The following HSD11B2 variants were observed in gnomAD, a reference collection of about 807,000 sequenced individuals.
The protein encoded by HSD11B2 is 11-beta-hydroxysteroid dehydrogenase type 2.
Under a neutral mutation model 20.9 loss-of-function variants are expected in HSD11B2, and 17 were observed. The ratio of observed to expected loss-of-function variants is 0.81; its 90% confidence interval spans 0.56 to 1.22. HSD11B2 has a LOEUF of 1.22. Among genes scored for constraint, HSD11B2 ranks in the 50% most tolerant of loss-of-function variants. HSD11B2 has a pLI of 0.00. For synonymous variants in HSD11B2, 253 were observed against 255.4 expected (o/e 0.99, Z 0.09); for missense variants, 480 against 563.6 (o/e 0.85, Z 1.50).
At chr16:67,431,689 C>G (rs2040934730) in intron 1 of HSD11B2, among the ~76,000 whole-genome samples, 176 bp downstream of exon 1, 1 of 152,222 alleles carries the variant, frequency 6.6e-6, no homozygotes, top group Admixed American at 6.5e-5. Flanking sequence ...GGCACCTCCC[C>G]AAGCCCGGGT....
At chr16:67,431,621 A>C (rs1467849987) in intron 1 of HSD11B2, 108 bp downstream of exon 1, 14 of 1,116,716 alleles carry the variant, frequency 1.3e-5, no homozygotes, top group Non-Finnish European at 1.6e-5. Flanking sequence ...TCCTCAGCGC[A>C]AGAGTGGGAG....
chr16:67,430,729 A>C (rs1321935791), upstream of HSD11B2: 1 of 152,650 alleles, frequency 6.6e-6, no homozygotes, highest in African/African-American at 2.4e-5. This position sits in a 1 kb window ranked among gnomAD's most constrained non-coding sequence, Gnocchi z 5.4. Context: ...TGCGATCAGC[A>C]AAGGGCACCG....
Position 67,435,247 on chromosome 16 carries a change from C to T in HSD11B2, c.266-381C>T, listed in dbSNP as rs543143531. Among the ~76,000 whole-genome samples the T allele has an allele frequency of 3.3e-5, 5 of 150,726 alleles. No individual in the cohort carries two copies. In the East Asian group the frequency reaches 5.9e-4, roughly 18 times the overall value. The stretch of plus-strand genomic sequence containing the variant: ...AGAGAAAGGGAGGCTCCTACTAATA[C>T]TGTGCCTGTGCCTGTGAGCTGTGGC... On this transcript the variant is annotated intron_variant, in intron 1 of 4. Coordinates refer to ENST00000326152, the MANE Select transcript of HSD11B2 (RefSeq NM_000196.4).
chr16:67,431,377 G>T lies in HSD11B2; in HGVS notation c.129G>T (p.Ala43=). 1 of 1,257,396 alleles carries T rather than the reference G, an allele frequency of 8.0e-7. No homozygotes were observed. Among genetic ancestry groups the T allele is most frequent in the South Asian group, 2.2e-5 (1 of 45,014 alleles). 77.9% of individuals were successfully genotyped at this position (1,257,396 alleles called of 1,614,324 possible). A position where few individuals can be genotyped will look rare whatever the true frequency, so the allele number is the denominator to read the frequency against. ...TGGCGGCGCTGGCGCTGCTGGCCGCGCTCGACTGGCTGTGCCAGCGCCTGC... is the reference window on the plus strand; with the variant it reads ...TGGCGGCGCTGGCGCTGCTGGCCGCTCTCGACTGGCTGTGCCAGCGCCTGC... ...PLLAALALLA[A]LDWLCQRLLP... Residue 43 remains alanine, a synonymous_variant, in exon 1 of 5, where the codon GCG becomes GCT. Coordinates refer to ENST00000326152, the MANE Select transcript of HSD11B2 (RefSeq NM_000196.4).
chr16:67,435,505 T>C lies in HSD11B2; in HGVS notation c.266-123T>C, dbSNP rs889472024. 3 of 760,936 alleles carry C rather than the reference T, an allele frequency of 3.9e-6. No individual in the cohort carries two copies. In the African/African-American group the frequency reaches 5.2e-5, roughly 13 times the overall value. 47.1% of individuals were successfully genotyped at this position (760,936 alleles called of 1,614,324 possible). A position where few individuals can be genotyped will look rare whatever the true frequency, so the allele number is the denominator to read the frequency against. ...ATGGGCCTAGGGAAGGAGTTAGGGT[T>C]GTTGACTGCTGGTGGCTTGGTTTGC... On this transcript the variant is annotated intron_variant, in intron 1 of 4. Coordinates refer to ENST00000326152, the MANE Select transcript of HSD11B2 (RefSeq NM_000196.4).
chr16:67,433,723 CACACATAT>C (rs996774837), intron 1 of HSD11B2, among the ~76,000 whole-genome samples: 1 of 133,974 alleles, frequency 7.5e-6, no homozygotes, highest in African/African-American at 3.8e-5. Flanking sequence ...CACACACACA[CACACATAT>C]GCTTGCCTCC....
Position 67,436,160 on chromosome 16 carries a change from C to A in HSD11B2, c.664+18C>A, listed in dbSNP as rs778839934. 6.8e-6 allele frequency: 11 copies of A among 1,613,578 alleles called. No individual in the cohort carries two copies. The highest frequency in any genetic ancestry group is 9.3e-6 in the Non-Finnish European group (11 of 1,179,846). On this transcript the variant is annotated intron_variant, in intron 3 of 4. Transcript: ENST00000326152. The surrounding 1 kb of genome is among the most constrained non-coding windows in gnomAD (Gnocchi z 5.7). ...CCCAGCGGGTGAGTGCCCCCCCCCACTGGAGCAAAAAGGAGCCCCCTGGGG... is the reference window on the plus strand; with the variant it reads ...CCCAGCGGGTGAGTGCCCCCCCCCAATGGAGCAAAAAGGAGCCCCCTGGGG...
chr16:67,434,823 T>TA (rs1232363343), intron 1 of HSD11B2, among the ~76,000 whole-genome samples: 1 of 152,194 alleles, frequency 6.6e-6, no homozygotes, highest in Non-Finnish European at 1.5e-5. Context: ...GGTCAAGAGT[T>TA]AGAGACCAGC....
In HSD11B2 at chr16:67,435,686, G is replaced by A. The variant is rs768955425; in HGVS notation, c.324G>A (p.Thr108=). Residue 108 remains threonine (T), a synonymous_variant, in exon 2 of 5, where the codon ACG becomes ACA. Transcript: ENST00000326152. Reference sequence around the variant, plus strand: ...AGAAACTGGACTCCATGGGCTTCACGGTGCTGGCCACCGTATTGGAGTTGA... The same window carrying A: ...AGAAACTGGACTCCATGGGCTTCACAGTGCTGGCCACCGTATTGGAGTTGA... ...TAKKLDSMGF[T]VLATVLELNS... The A allele has an allele frequency of 8.1e-6, 13 of 1,613,762 alleles. No homozygotes were observed. The highest frequency in any genetic ancestry group is 2.7e-5 in the African/African-American group (2 of 74,888).
rs949929490 is a variant in HSD11B2, at chr16:67,436,673, C to T, written c.888C>T (p.Gly296=). ...CTCAAGAGCTGCTGCAGGCCTACGG[C>T]AAGGACTACATCGAGCACTTGCATG... ...NLPQELLQAY[G]KDYIEHLHGQ... The change falls in exon 5 of 5, where the codon GGC becomes GGT. Residue 296 remains glycine, a synonymous_variant. Coordinates refer to ENST00000326152, the MANE Select transcript of HSD11B2 (RefSeq NM_000196.4). The surrounding 1 kb of genome is among the most constrained non-coding windows in gnomAD (Gnocchi z 5.7). The T allele has an allele frequency of 6.2e-7, 1 of 1,614,192 alleles. No homozygotes were observed. Among genetic ancestry groups the T allele is most frequent in the Admixed American group, 1.7e-5 (1 of 60,034 alleles).
chr16:67,432,347 C>T (rs2142285641), intron 1 of HSD11B2, among the ~76,000 whole-genome samples: 1 of 152,180 alleles, frequency 6.6e-6, no homozygotes, highest in Non-Finnish European at 1.5e-5. Flanking sequence ...GGAGGAGCAG[C>T]CTGGTCTCTC....
chr16:67,436,823 C>T lies in HSD11B2; in HGVS notation c.1038C>T (p.Leu346=), dbSNP rs2040979523. 6.2e-7 allele frequency: 1 copy of T among 1,613,684 alleles called. No individual in the cohort carries two copies. Among genetic ancestry groups the T allele is most frequent in the African/African-American group, 1.3e-5 (1 of 74,928 alleles). Residue 346 remains leucine, a synonymous_variant, in exon 5 of 5, where the codon CTC becomes CTT. Coordinates refer to ENST00000326152, the MANE Select transcript of HSD11B2 (RefSeq NM_000196.4). The surrounding 1 kb of genome is among the most constrained non-coding windows in gnomAD (Gnocchi z 5.7). ...ATTACCCCGGCCAGGGCCTGGGGCT[C>T]ATGTACTTCATCCACTACTACCTGC... The part of the protein sequence containing the change: ...RRYYPGQGLG[L]MYFIHYYLPE...
In HSD11B2 at chr16:67,435,424, C is replaced by T. The variant is rs139252662; in HGVS notation, c.266-204C>T. ...TAGCCACGGGGAGTCAGGCAGATGACAGCTGTCACAGAGTTACTGCCCAGG... is the reference window on the plus strand; with the variant it reads ...TAGCCACGGGGAGTCAGGCAGATGATAGCTGTCACAGAGTTACTGCCCAGG... On this transcript the variant is annotated intron_variant, in intron 1 of 4. Coordinates refer to ENST00000326152, the MANE Select transcript of HSD11B2 (RefSeq NM_000196.4). The T allele has an allele frequency of 4.8e-4, 320 of 663,572 alleles. 1 individual carries two copies. Among genetic ancestry groups the T allele is most frequent in the Non-Finnish European group, 6.9e-4 (251 of 363,746 alleles). The allele number at this position is 663,572 out of a possible 1,614,324, so 41.1% of individuals were successfully genotyped here. A position where few individuals can be genotyped will look rare whatever the true frequency, so the allele number is the denominator to read the frequency against.
Position 67,437,198 on chromosome 16 carries a change from C to T in HSD11B2, c.*195C>T, listed in dbSNP as rs1024862663. On this transcript the variant is annotated 3_prime_UTR_variant, in exon 5 of 5. Transcript: ENST00000326152. The stretch of plus-strand genomic sequence containing the variant: ...GCCAAGGTTTCCCAGTGAGCCTCTG[C>T]GCCTCTCCACTGTTTCATGAGCCCA... 15 of 620,062 alleles carry T rather than the reference C, an allele frequency of 2.4e-5. No individual in the cohort carries two copies. Among genetic ancestry groups the T allele is most frequent in the African/African-American group, 9.2e-5 (5 of 54,272 alleles). The allele number at this position is 620,062 out of a possible 1,614,324, so 38.4% of individuals were successfully genotyped here.
At chr16:67,434,150 G>A (rs1035377496) in intron 1 of HSD11B2, among the ~76,000 whole-genome samples, 4 of 152,162 alleles carry the variant, frequency 2.6e-5, no homozygotes, top group East Asian at 1.9e-4. Context: ...AACTGACCTC[G>A]GTCACACTTG....
chr16:67,433,848 C>G (rs991705897), intron 1 of HSD11B2, among the ~76,000 whole-genome samples: 9 of 148,872 alleles, frequency 6.0e-5, no homozygotes, highest in Non-Finnish European at 1.2e-4. Flanking sequence ...ATGGGGAGAC[C>G]GTACTGAGCG....
Position 67,437,027 on chromosome 16 carries a change from C to T in HSD11B2, c.*24C>T. ...GAGCCATGTGCACCTATGGCCCAGC[C>T]ACTGCAGCACAGGAGGCTCCGTGAG... On this transcript the variant is annotated 3_prime_UTR_variant, in exon 5 of 5. Transcript: ENST00000326152. 1 of 1,603,172 alleles carries T rather than the reference C, an allele frequency of 6.2e-7. No individual in the cohort carries two copies.
chr16:67,435,409 G>A (rs1484322135), intron 1 of HSD11B2: 4 of 648,474 alleles, frequency 6.2e-6, no homozygotes, highest in Admixed American at 4.4e-5. Flanking sequence ...TAGCCACGGG[G>A]AGTCAGGCAG....
chr16:67,436,255 T>G lies in HSD11B2; in HGVS notation c.671T>G (p.Met224Arg), dbSNP rs1362856305. 1.2e-6 allele frequency: 2 copies of G among 1,614,046 alleles called. No individual in the cohort carries two copies. The part of the protein sequence containing the change: ...IVTVGSPAGD[M>R]PYPCLGAYGT... ...ACTCCCAATCCATCCGCAGGGGACA[T>G]GCCATATCCGTGCTTGGGGGCCTAT... is the stretch of plus-strand genomic sequence containing the variant. The change falls in exon 4 of 5, where the codon ATG (methionine) becomes AGG (arginine). Residue 224 changes from methionine to arginine, a missense_variant. By Grantham distance (91) the Met-to-Arg change is moderately conservative. Transcript: ENST00000326152. The surrounding 1 kb of genome is among the most constrained non-coding windows in gnomAD (Gnocchi z 5.7).
Sources: allele counts gnomAD v4.1 joint callset (sites outside exome capture counted in the v4.1 genomes callset), GRCh38; gene constraint gnomAD v4.1.1; non-coding constraint Gnocchi (gnomAD v3.1); transcripts MANE v1.5; gene names NCBI Gene and HGNC (gene_info 2026-07-23, HGNC 2026-07-21).